Variants in TANK observed in about 807,000 individuals in gnomAD.
TANK encodes TRAF family member-associated NF-kappa-B activator.
Under a neutral mutation model 43.6 loss-of-function variants are expected in TANK, and 15 were observed. That is an observed-to-expected ratio of 0.34 (90% CI 0.23 to 0.53). TANK has a LOEUF of 0.53. Among genes scored for constraint, TANK ranks in the 20% least tolerant of loss-of-function variants. TANK has a pLI of 0.94. For missense variants in TANK, 417 were observed against 498.6 expected, an observed-to-expected ratio of 0.84 and a Z score of 1.56; for synonymous variants, 162 against 178.2, an observed-to-expected ratio of 0.91 and a Z score of 0.73.
At chr2:161,151,964 T>C (rs75681849) in intron 1 of TANK, among the ~76,000 whole-genome samples, 5,676 of 152,222 alleles carry the variant, frequency 0.037, 233 homozygotes, top group East Asian at 0.19. Flanking sequence ...TTCTTAGTCA[T>C]TACCATGTGA....
chr2:161,161,386 C>T (rs1459625837), intron 1 of TANK: 1 of 1,550,794 alleles, frequency 6.4e-7, no homozygotes, highest in Non-Finnish European at 8.7e-7. Context: ...CTTCTTACCG[C>T]GGTTGGAATA....
chr2:161,160,891 G>A (rs1684397208), intron 1 of TANK: 18 of 469,598 alleles, frequency 3.8e-5, no homozygotes, highest in South Asian at 2.7e-4. Flanking sequence ...CTAGAATCAA[G>A]TAGTATCGTG....
chr2:161,147,399 T>C (rs1573943540), intron 1 of TANK, among the ~76,000 whole-genome samples: 1 of 149,568 alleles, frequency 6.7e-6, no homozygotes, highest in African/African-American at 2.5e-5. Context: ...GCTGAGTGGC[T>C]GTTGAGAATC....
At chr2:161,220,361 C>T (rs187773414) in intron 4 of TANK, among the ~76,000 whole-genome samples, 36 of 152,252 alleles carry the variant, frequency 2.4e-4, no homozygotes, top group Non-Finnish European at 4.1e-4. Context: ...CCAGCACTTT[C>T]GGAGGCCGAG....
In TANK at chr2:161,231,370, A is replaced by G. The variant is rs371104843; in HGVS notation, c.920A>G (p.Asp307Gly). The G allele has an allele frequency of 1.1e-5, 17 of 1,614,090 alleles. No individual in the cohort carries two copies. In the African/African-American group the frequency reaches 2.1e-4, roughly 20 times the overall value. Residue 307 changes from aspartate (D) to glycine (G), a missense_variant, in exon 7 of 8, where the codon GAC (aspartate) becomes GGC (glycine). Coordinates refer to ENST00000392749, the MANE Select transcript of TANK (RefSeq NM_001199135.3). ...GCTATACAAAACCTTAAAACAACTG[A>G]CAAAACAAAGCCCTCAAATCTCGTA... ...ASAIQNLKTT[D>G]KTKPSNLVNT...
intron 4 of TANK, among the ~76,000 whole-genome samples, chr2:161,211,328 C>T (rs746380074): frequency 2.6e-5 from 4 of 152,158 alleles, no homozygotes; most frequent in Non-Finnish European, 4.4e-5. Flanking sequence ...GCAGTGCCCA[C>T]TTAGGGATCT....
rs1310747952 is a variant in TANK, at chr2:161,236,087, A to G, written c.*569A>G. 3 of 152,108 alleles carry G rather than the reference A, an allele frequency of 2.0e-5. No individual in the cohort carries two copies. Among genetic ancestry groups the G allele is most frequent in the Non-Finnish European group, 2.9e-5 (2 of 68,008 alleles). 9.4% of individuals were successfully genotyped at this position (152,108 alleles called of 1,614,324 possible). On this transcript the variant is annotated 3_prime_UTR_variant, in exon 8 of 8. Coordinates refer to ENST00000392749, the MANE Select transcript of TANK (RefSeq NM_001199135.3). Reference sequence around the variant, plus strand: ...AAACAACTGGTAGAATTATTTAAACACTTTAGATTTTTAAATAATATACAT... The same window carrying G: ...AAACAACTGGTAGAATTATTTAAACGCTTTAGATTTTTAAATAATATACAT...
At chr2:161,229,328 T>C (rs1023123587) in intron 6 of TANK, among the ~76,000 whole-genome samples, 2 of 152,198 alleles carry the variant, frequency 1.3e-5, no homozygotes, top group Non-Finnish European at 2.9e-5. Flanking sequence ...AAGCCTTTTC[T>C]GAGATCTGAG....
chr2:161,195,983 C>T (rs780058064), intron 2 of TANK, among the ~76,000 whole-genome samples: 1 of 152,070 alleles, frequency 6.6e-6, no homozygotes, highest in Middle Eastern at 3.4e-3. Context: ...TATTCAGGAG[C>T]CTGAGGCAGG....
intron 4 of TANK, among the ~76,000 whole-genome samples, chr2:161,206,562 C>G (rs1574036441): frequency 3.3e-5 from 5 of 151,918 alleles, no homozygotes; most frequent in Admixed American, 3.3e-4. Flanking sequence ...TCTTGGTACC[C>G]CTTAGTACAT....
intron 6 of TANK, among the ~76,000 whole-genome samples, chr2:161,228,807 T>C (rs1403200603): frequency 6.6e-6 from 1 of 152,250 alleles, no homozygotes; most frequent in African/African-American, 2.4e-5. Context: ...ATATTTTTAC[T>C]GTACCTTTTC....
chr2:161,211,671 C>T (rs1686894091), intron 4 of TANK: 1 of 671,016 alleles, frequency 1.5e-6, no homozygotes, highest in Non-Finnish European at 1.8e-6. Context: ...GTTTGTTACT[C>T]AACTTTTTAA....
intron 4 of TANK, chr2:161,207,298 G>T (rs1167806612): frequency 3.0e-6 from 2 of 667,916 alleles, no homozygotes; most frequent in African/African-American, 3.9e-5. Context: ...AAGAGGAAAA[G>T]CTCCAAGTAA....
intron 4 of TANK, chr2:161,212,853 G>C: frequency 2.2e-5 from 17 of 770,092 alleles, no homozygotes; most frequent in Non-Finnish European, 2.1e-5. Context: ...TGCTGTAAAG[G>C]AATACCTGAG....
At chr2:161,222,854 T>G (rs1027028477) in intron 4 of TANK, 3 of 152,042 alleles carry the variant, frequency 2.0e-5, no homozygotes, top group Non-Finnish European at 2.9e-5. Flanking sequence ...ATATTTAAAG[T>G]ATTTATTTAG....
At chr2:161,157,837 C>G (rs975788679), upstream of TANK, among the ~76,000 whole-genome samples, 4 of 152,244 alleles carry the variant, frequency 2.6e-5, no homozygotes, top group Middle Eastern at 6.8e-3. Context: ...GTGTGCACCA[C>G]CAAACCTGGC....
At chr2:161,211,318 G>T (rs1285434999) in intron 4 of TANK, among the ~76,000 whole-genome samples, 1 of 152,148 alleles carries the variant, frequency 6.6e-6, no homozygotes, top group Non-Finnish European at 1.5e-5. Context: ...GACTTCAAGT[G>T]CAGTGCCCAC....
At chr2:161,179,853 T>A (rs1022086578) in intron 2 of TANK, 92 bp downstream of exon 2, 2 of 1,447,570 alleles carry the variant, frequency 1.4e-6, no homozygotes, top group Admixed American at 4.9e-5. Context: ...TTGTTAGAAA[T>A]TGCCCTGAAG....
At chr2:161,195,413 G>C (rs1388653868) in intron 2 of TANK, among the ~76,000 whole-genome samples, 2 of 152,154 alleles carry the variant, frequency 1.3e-5, no homozygotes, top group African/African-American at 4.8e-5. Context: ...GCAGGTCAGA[G>C]AAGATTATCA....
Sources: gnomAD v4.1 joint callset for allele counts (sites outside exome capture counted in the v4.1 genomes callset) on GRCh38, gnomAD v4.1.1 for gene constraint, MANE v1.5 for transcripts, NCBI Gene and HGNC (gene_info 2026-07-23, HGNC 2026-07-21) for gene names.